SLC16A7: variants seen among roughly 807,000 people sequenced by gnomAD.
SLC16A7 encodes the protein solute carrier family 16 member 7, also known as monocarboxylate transporter 2.
A neutral mutation model predicts 34.9 loss-of-function variants in SLC16A7; 33 were observed. The observed-to-expected ratio is 0.94, with a 90% CI of 0.72 to 1.26. SLC16A7 has a LOEUF of 1.26. Among genes scored for constraint, SLC16A7 ranks in the 50% most tolerant of loss-of-function variants. SLC16A7 has a pLI of 0.00. For synonymous variants in SLC16A7, 201 were observed against 206.6 expected (o/e 0.97, Z 0.23); for missense variants, 573 against 578.1 (o/e 0.99, Z 0.09).
chr12:59,761,460 A>G (rs541483752), intron 3 of SLC16A7, among the ~76,000 whole-genome samples: 2 of 152,294 alleles, frequency 1.3e-5, no homozygotes, highest in South Asian at 2.1e-4. Flanking sequence ...GTGATTTACC[A>G]TAGACTATTG....
intron 2 of SLC16A7, among the ~76,000 whole-genome samples, chr12:59,702,184 G>T (rs1271136618): frequency 6.6e-6 from 1 of 151,716 alleles, no homozygotes; most frequent in Non-Finnish European, 1.5e-5. Flanking sequence ...AAGATCATTT[G>T]CTATTTTCAA....
chr12:59,780,491 A>G lies in SLC16A7; in HGVS notation c.*812A>G, dbSNP rs574079418. 11 of 152,268 alleles carry G rather than the reference A, an allele frequency of 7.2e-5. No homozygotes were observed. The highest frequency in any genetic ancestry group is 6.8e-3 in the Middle Eastern group (2 of 294). 9.4% of individuals were successfully genotyped at this position (152,268 alleles called of 1,614,324 possible). On this transcript the variant is annotated 3_prime_UTR_variant, in exon 6 of 6. Transcript: ENST00000547379. ...GTAGGGAGCATTAGTACCTGGTGCT[A>G]GAGAATAGAACCCTCAAATAATTTT...
chr12:59,703,890 A>T (rs1409998452), intron 2 of SLC16A7, among the ~76,000 whole-genome samples: 1 of 152,078 alleles, frequency 6.6e-6, no homozygotes, highest in Non-Finnish European at 1.5e-5. Flanking sequence ...CACCTTAAAT[A>T]TATAATTTTT....
In SLC16A7 at chr12:59,775,043, T is replaced by C; in HGVS notation, c.748T>C (p.Tyr250His). Residue 250 changes from tyrosine (Y) to histidine (H), a missense_variant, in exon 5 of 6, where the codon TAT (tyrosine) becomes CAT (histidine). Tyr to His is a moderately conservative substitution (Grantham distance 83). Coordinates refer to ENST00000547379, the MANE Select transcript of SLC16A7 (RefSeq NM_001270623.2). ...TTTTAAGCATAGAGGATTTCTGATA[T>C]ATCTGTCTGGAAATGTCATTATGTT... is the stretch of plus-strand genomic sequence containing the variant. ...SLFKHRGFLIYLSGNVIMFLG... is the reference protein window; with the variant it reads ...SLFKHRGFLIHLSGNVIMFLG... 1.2e-6 allele frequency: 2 copies of C among 1,614,142 alleles called. No individual in the cohort carries two copies. Among genetic ancestry groups the C allele is most frequent in the Non-Finnish European group, 1.7e-6 (2 of 1,180,000 alleles).
intron 2 of SLC16A7, among the ~76,000 whole-genome samples, chr12:59,658,614 G>T (rs1868660103): frequency 6.6e-6 from 1 of 151,888 alleles, no homozygotes. Flanking sequence ...ACTGCATCAA[G>T]AAATCAGTAT....
At chr12:59,610,626 G>A (rs1009241511) in intron 1 of SLC16A7, among the ~76,000 whole-genome samples, 6 of 152,040 alleles carry the variant, frequency 3.9e-5, no homozygotes, top group Admixed American at 2.0e-4. Flanking sequence ...TTCAATGTAA[G>A]GGTTCATCTT....
rs1489931253 is a variant in SLC16A7, at chr12:59,780,486, G to T, written c.*807G>T. ...TTTGAGTAGGGAGCATTAGTACCTG[G>T]TGCTAGAGAATAGAACCCTCAAATA... On this transcript the variant is annotated 3_prime_UTR_variant, in exon 6 of 6. Coordinates refer to ENST00000547379, the MANE Select transcript of SLC16A7 (RefSeq NM_001270623.2). 1 of 152,000 alleles carries T rather than the reference G, an allele frequency of 6.6e-6. No homozygotes were observed. Among genetic ancestry groups the T allele is most frequent in the East Asian group, 1.9e-4 (1 of 5,194 alleles). 9.4% of individuals were successfully genotyped at this position (152,000 alleles called of 1,614,324 possible). A position where few individuals can be genotyped will look rare whatever the true frequency, so the allele number is the denominator to read the frequency against.
intron 2 of SLC16A7, among the ~76,000 whole-genome samples, chr12:59,658,088 A>C (rs1306526192): frequency 6.6e-6 from 1 of 152,054 alleles, no homozygotes; most frequent in African/African-American, 2.4e-5. Context: ...CCATCCCTTT[A>C]AATTGGATAC....
At chr12:59,644,004 C>A (rs1880797926) in intron 1 of SLC16A7, among the ~76,000 whole-genome samples, 1 of 152,122 alleles carries the variant, frequency 6.6e-6, no homozygotes, top group African/African-American at 2.4e-5. Context: ...TGTCCTGCTG[C>A]AACTCTGAGC....
At chr12:59,626,383 A>C (rs1879931752) in intron 1 of SLC16A7, among the ~76,000 whole-genome samples, 1 of 151,732 alleles carries the variant, frequency 6.6e-6, no homozygotes, top group Non-Finnish European at 1.5e-5. Context: ...AAAATGTATA[A>C]ATAAAACGAC....
intron 1 of SLC16A7, among the ~76,000 whole-genome samples, chr12:59,638,004 T>A (rs935369695): frequency 2.0e-5 from 3 of 152,130 alleles, no homozygotes; most frequent in African/African-American, 7.2e-5. Flanking sequence ...TCCAGAACTG[T>A]GAGCCAGATA....
At position 59,693,577 on chromosome 12, in the gene SLC16A7, C is replaced by CAAG. The variant is rs375740002; in HGVS notation, c.-30-11194_-30-11193insAGA. On this transcript the variant is annotated intron_variant, in intron 2 of 5. Coordinates refer to ENST00000547379, the MANE Select transcript of SLC16A7 (RefSeq NM_001270623.2). ...AACACCTGAAGGTCACTCTTGTAAA[C>CAAG]AGTGATATTATATTGGAGCCTATAC... Among the ~76,000 whole-genome samples, 266 of 151,982 alleles carry CAAG rather than the reference C, an allele frequency of 1.8e-3. 1 individual carries two copies. The highest frequency in any genetic ancestry group is 5.7e-3 in the African/African-American group (238 of 41,522).
intron 1 of SLC16A7, among the ~76,000 whole-genome samples, chr12:59,624,875 C>T (rs1331316633): frequency 6.6e-6 from 1 of 151,536 alleles, no homozygotes; most frequent in Non-Finnish European, 1.5e-5. Context: ...CACTTTCTAC[C>T]TCCGTCTGGC....
intron 1 of SLC16A7, among the ~76,000 whole-genome samples, chr12:59,642,056 A>G (rs1012180191): frequency 6.6e-6 from 1 of 152,104 alleles, no homozygotes; most frequent in Admixed American, 6.5e-5. Context: ...ATGCTAATTC[A>G]TTTCAATTTA....
chr12:59,775,157 G>A lies in SLC16A7; in HGVS notation c.862G>A (p.Val288Ile), dbSNP rs753576103. 6.2e-7 allele frequency: 1 copy of A among 1,614,070 alleles called. No homozygotes were observed. Among genetic ancestry groups the A allele is most frequent in the South Asian group, 1.1e-5 (1 of 91,084 alleles). Residue 288 changes from valine to isoleucine, a missense_variant, in exon 5 of 6, where the codon GTT (valine) becomes ATT (isoleucine). Val to Ile is a conservative substitution (Grantham distance 29). Coordinates refer to ENST00000547379, the MANE Select transcript of SLC16A7 (RefSeq NM_001270623.2). ...DEYSAAFLLS[V>I]MAFVDMFARP... Reference sequence around the variant, plus strand: ...GTACTCGGCAGCTTTTCTGCTATCTGTTATGGCTTTCGTTGATATGTTTGC... The same window carrying A: ...GTACTCGGCAGCTTTTCTGCTATCTATTATGGCTTTCGTTGATATGTTTGC...
chr12:59,709,430 T>A (rs1873964605), intron 3 of SLC16A7, among the ~76,000 whole-genome samples: 1 of 151,768 alleles, frequency 6.6e-6, no homozygotes, highest in African/African-American at 2.4e-5. Flanking sequence ...GGCTTTAACA[T>A]AGCAGGTTGG....
chr12:59,603,336 A>G (rs1365051499), intron 1 of SLC16A7, among the ~76,000 whole-genome samples: 1 of 152,150 alleles, frequency 6.6e-6, no homozygotes, highest in Non-Finnish European at 1.5e-5. Flanking sequence ...TCCCTGCATG[A>G]TGTAAGTCCA....
chr12:59,631,600 G>A (rs1235931382), intron 1 of SLC16A7, among the ~76,000 whole-genome samples: 1 of 151,960 alleles, frequency 6.6e-6, no homozygotes, highest in Non-Finnish European at 1.5e-5. Flanking sequence ...TGTTACATAG[G>A]TAAACATGTG....
At chr12:59,633,738 A>C (rs1208816279) in intron 1 of SLC16A7, among the ~76,000 whole-genome samples, 1 of 151,998 alleles carries the variant, frequency 6.6e-6, no homozygotes, top group Non-Finnish European at 1.5e-5. Context: ...AAGGGGAAGC[A>C]AAGCACATAT....
Sources: allele counts gnomAD v4.1 joint callset (sites outside exome capture counted in the v4.1 genomes callset), GRCh38; gene constraint gnomAD v4.1.1; transcripts MANE v1.5; gene names NCBI Gene and HGNC (gene_info 2026-07-23, HGNC 2026-07-21).